IARS1: variants seen among roughly 807,000 people sequenced by gnomAD.
IARS1 encodes the protein isoleucine--tRNA ligase, cytoplasmic.
Under a neutral mutation model 168.2 loss-of-function variants are expected in IARS1, and 124 were observed. The ratio of observed to expected loss-of-function variants is 0.74; its 90% CI spans 0.64 to 0.86. The LOEUF is 0.86. IARS1 is among the 40% of genes least tolerant of loss of function. The pLI, the probability that IARS1 is intolerant of heterozygous loss-of-function variation, is 0.00. For missense variants in IARS1, 1,452 were observed against 1,515.8 expected, an observed-to-expected ratio of 0.96 and a Z score of 0.70; for synonymous variants, 532 against 529.4, an observed-to-expected ratio of 1.00 and a Z score of -0.07.
intron 19 of IARS1, 86 bp from the exon 20 acceptor site, chr9:92,256,886 A>C (rs1830808028): frequency 7.6e-7 from 1 of 1,309,686 alleles, no homozygotes; most frequent in Non-Finnish European, 1.0e-6. Context: ...ACTTAAACAA[A>C]AACAAAAAGA....
At chr9:92,216,880 C>G (rs1373248148) in intron 33 of IARS1, among the ~76,000 whole-genome samples, 2 of 149,172 alleles carry the variant, frequency 1.3e-5, no homozygotes, top group Non-Finnish European at 3.0e-5. Flanking sequence ...AGAAAGTCAA[C>G]AAGGATACCC....
chr9:92,285,835 C>A lies in IARS1; in HGVS notation c.484G>T (p.Val162Phe). The A allele has an allele frequency of 6.4e-7, 1 of 1,570,502 alleles. No homozygotes were observed. The highest frequency in any genetic ancestry group is 8.8e-7 in the Non-Finnish European group (1 of 1,141,716). ...YPQFMESVWW[V>F]FKQLYDKGLV... ...CCTTTATCATAGAGTTGTTTGAAGACCCACCTGGTAAGAGATGGAGTTTCA... is the reference window on the plus strand; with the variant it reads ...CCTTTATCATAGAGTTGTTTGAAGAACCACCTGGTAAGAGATGGAGTTTCA... The change falls in exon 6 of 34, where the codon GTC (valine) becomes TTC (phenylalanine). Residue 162 changes from valine (V) to phenylalanine (F), a missense_variant. Transcript: ENST00000443024.
In IARS1 at chr9:92,240,838, C is replaced by A; in HGVS notation, c.3283+18G>T. The A allele has an allele frequency of 6.6e-7, 1 of 1,505,714 alleles. No individual in the cohort carries two copies. Among genetic ancestry groups the A allele is most frequent in the African/African-American group, 1.4e-5 (1 of 72,766 alleles). 93.3% of individuals were successfully genotyped at this position (1,505,714 alleles called of 1,614,324 possible). On this transcript the variant is annotated intron_variant, in intron 30 of 33. Transcript: ENST00000443024. Reference sequence around the variant, plus strand: ...ATAACTAAAAAAAAGTCACACAAATCATGGAATTTACTCTTACCTTGTTCA... The same window carrying A: ...ATAACTAAAAAAAAGTCACACAAATAATGGAATTTACTCTTACCTTGTTCA...
intron 33 of IARS1, among the ~76,000 whole-genome samples, chr9:92,211,403 T>G (rs1291389913): frequency 6.6e-6 from 1 of 152,178 alleles, no homozygotes; most frequent in African/African-American, 2.4e-5. Flanking sequence ...TTCCCTACCC[T>G]AATTCAAACC....
intron 30 of IARS1, chr9:92,240,618 T>C (rs1243399158): frequency 1.4e-6 from 1 of 708,646 alleles, no homozygotes; most frequent in African/African-American, 1.8e-5. Flanking sequence ...AGTCTTGAAC[T>C]CTTGGCCTCA....
intron 33 of IARS1, among the ~76,000 whole-genome samples, chr9:92,221,902 G>A (rs1839714366): frequency 1.3e-5 from 2 of 152,122 alleles, no homozygotes; most frequent in African/African-American, 4.8e-5. Context: ...ACTTTTGGGG[G>A]AAAGAACAAT....
intron 3 of IARS1, 95 bp downstream of exon 3, chr9:92,288,031 C>T (rs1012483195): frequency 1.3e-6 from 2 of 1,508,736 alleles, no homozygotes; most frequent in Admixed American, 1.9e-5. Flanking sequence ...GAAGGTCTGA[C>T]AGTCAACGTT....
At chr9:92,242,661 G>T in intron 28 of IARS1, 1 of 256,468 alleles carries the variant, frequency 3.9e-6, no homozygotes, top group Non-Finnish European at 7.4e-6. Context: ...TCATCTGCTG[G>T]AACAGCCTCC....
chr9:92,276,633 CAG>C (rs1833815212), intron 9 of IARS1, among the ~76,000 whole-genome samples: 1 of 152,194 alleles, frequency 6.6e-6, no homozygotes. Context: ...CTTAATCAAC[CAG>C]ACTCTCCCCA....
intron 31 of IARS1, among the ~76,000 whole-genome samples, chr9:92,223,826 T>A (rs553390776): frequency 1.3e-5 from 2 of 152,290 alleles, no homozygotes; most frequent in Non-Finnish European, 2.9e-5. Context: ...AAACTTACAT[T>A]AAAAAGTGCT....
intron 31 of IARS1, among the ~76,000 whole-genome samples, chr9:92,225,374 T>G (rs1454739656): frequency 2.6e-5 from 4 of 152,200 alleles, no homozygotes; most frequent in Non-Finnish European, 5.9e-5. Flanking sequence ...CACTCTCTTA[T>G]TTCCTTACCA....
intron 6 of IARS1, 38 bp from the exon 7 acceptor site, chr9:92,280,931 C>T: frequency 6.7e-7 from 1 of 1,482,912 alleles, no homozygotes; most frequent in Non-Finnish European, 9.3e-7. Flanking sequence ...TTTAGAAATC[C>T]ACAATAACAG....
intron 30 of IARS1, among the ~76,000 whole-genome samples, chr9:92,239,685 C>G (rs995852382): frequency 6.6e-6 from 1 of 152,292 alleles, no homozygotes; most frequent in African/African-American, 2.4e-5. Context: ...GTGGCCTCCA[C>G]TGATGCCACC....
chr9:92,254,688 T>C (rs1830475568), intron 20 of IARS1, among the ~76,000 whole-genome samples: 1 of 152,060 alleles, frequency 6.6e-6, no homozygotes, highest in Non-Finnish European at 1.5e-5. Context: ...AGGGAGTAAA[T>C]GAACCCAAAT....
At chr9:92,239,952 G>C (rs1340693178) in intron 30 of IARS1, among the ~76,000 whole-genome samples, 1 of 152,136 alleles carries the variant, frequency 6.6e-6, no homozygotes, top group Non-Finnish European at 1.5e-5. Flanking sequence ...TTTGTCAAGG[G>C]AGCAGAATTT....
At chr9:92,256,872 A>G (rs1309813352) in intron 19 of IARS1, 72 bp from the exon 20 acceptor site, 1 of 1,419,314 alleles carries the variant, frequency 7.0e-7, no homozygotes, top group Non-Finnish European at 9.6e-7. Flanking sequence ...AAACTTCTTA[A>G]ATCACTTAAA....
intron 33 of IARS1, among the ~76,000 whole-genome samples, chr9:92,217,078 A>G (rs1443836136): frequency 2.0e-5 from 3 of 149,042 alleles, no homozygotes; most frequent in Non-Finnish European, 4.5e-5. Flanking sequence ...ACTGTCTCTC[A>G]GACCACAGTG....
chr9:92,213,995 GT>G (rs1205081041), intron 33 of IARS1, among the ~76,000 whole-genome samples: 7 of 151,850 alleles, frequency 4.6e-5, no homozygotes, highest in Non-Finnish European at 8.8e-5. Flanking sequence ...TAGAGATGGG[GT>G]TTCACCATAT....
intron 17 of IARS1, among the ~76,000 whole-genome samples, chr9:92,262,157 T>C (rs1027671875): frequency 6.6e-6 from 1 of 152,178 alleles, no homozygotes; most frequent in African/African-American, 2.4e-5. Flanking sequence ...TGTGTGTCCT[T>C]TGGCAAGTCA....
Sources: gnomAD v4.1 joint callset for allele counts (sites outside exome capture counted in the v4.1 genomes callset) on GRCh38, gnomAD v4.1.1 for gene constraint, MANE v1.5 for transcripts, NCBI Gene and HGNC (gene_info 2026-07-23, HGNC 2026-07-21) for gene names.